The following ADAM2 variants were observed in gnomAD, a reference collection of about 807,000 sequenced individuals.
ADAM2 encodes the protein ADAM metallopeptidase domain 2, also known as disintegrin and metalloproteinase domain-containing protein 2.
ADAM2 carries 101 observed loss-of-function variants against 99.3 expected under a neutral mutation model. The ratio of observed to expected loss-of-function variants is 1.02; its 90% CI spans 0.87 to 1.20. The LOEUF is 1.20. Ranked by LOEUF, ADAM2 falls within the 50% of genes most tolerant of loss-of-function variation. ADAM2 has a pLI of 0.00. For missense variants in ADAM2, 948 were observed against 878.7 expected (o/e 1.08, Z -1.00); for synonymous variants, 323 against 287.6 (o/e 1.12, Z -1.25).
chr8:39,776,677 A>G (rs1803002755), intron 11 of ADAM2, among the ~76,000 whole-genome samples: 3 of 152,128 alleles, frequency 2.0e-5, no homozygotes. Context: ...AACCAAGGCA[A>G]GTTGAAGGAG....
Position 39,761,173 on chromosome 8 carries a change from T to C in ADAM2, c.1613+3A>G, listed in dbSNP as rs373265760. On this transcript the variant is annotated splice_donor_region_variant and intron_variant, in intron 15 of 20. Transcript: ENST00000265708. Reference sequence around the variant, plus strand: ...GTTCTAAGACAGATTTCTGAAAACATACTCAGCTTCACACTGTGTGTATCC... The same window carrying C: ...GTTCTAAGACAGATTTCTGAAAACACACTCAGCTTCACACTGTGTGTATCC... 3.9e-6 allele frequency: 6 copies of C among 1,530,430 alleles called. No individual in the cohort carries two copies. The highest frequency in any genetic ancestry group is 1.4e-5 in the African/African-American group (1 of 71,922). 94.8% of individuals were successfully genotyped at this position (1,530,430 alleles called of 1,614,324 possible).
intron 7 of ADAM2, among the ~76,000 whole-genome samples, chr8:39,808,189 TACACACAC>T (rs144114156): frequency 8.2e-5 from 12 of 146,100 alleles, no homozygotes; most frequent in Non-Finnish European, 1.2e-4. Flanking sequence ...TCCTAAGGAA[TACACACAC>T]ACACACACAC....
chr8:39,798,753 C>A (rs1804080449), intron 7 of ADAM2, among the ~76,000 whole-genome samples: 1 of 152,154 alleles, frequency 6.6e-6, no homozygotes, highest in Non-Finnish European at 1.5e-5. Flanking sequence ...CAACATCTTC[C>A]TGGTTTAGTC....
At chr8:39,757,218 C>T (rs989365568) in intron 15 of ADAM2, among the ~76,000 whole-genome samples, 1 of 151,776 alleles carries the variant, frequency 6.6e-6, no homozygotes, top group South Asian at 2.1e-4. Context: ...GTAAAAAAAC[C>T]CAACTTGCTC....
intron 6 of ADAM2, among the ~76,000 whole-genome samples, chr8:39,813,256 A>C (rs1160873614): frequency 6.6e-6 from 1 of 152,244 alleles, no homozygotes; most frequent in African/African-American, 2.4e-5. Context: ...TGATCATTAA[A>C]AAATCAGGAA....
intron 3 of ADAM2, among the ~76,000 whole-genome samples, chr8:39,832,283 A>AAT (rs1563387527): frequency 1.3e-5 from 2 of 152,150 alleles, no homozygotes; most frequent in Non-Finnish European, 2.9e-5. Flanking sequence ...TTTGAAAGTA[A>AAT]ATATCGTTAT....
chr8:39,810,905 C>G (rs1277904778), intron 6 of ADAM2, among the ~76,000 whole-genome samples: 19 of 151,908 alleles, frequency 1.3e-4, no homozygotes, highest in South Asian at 2.1e-4. Flanking sequence ...ACATTCAAAA[C>G]CTAGCAGAAG....
At position 39,755,710 on chromosome 8, in the gene ADAM2, G is replaced by T. The variant is rs200656365; in HGVS notation, c.1797+18C>A. On this transcript the variant is annotated intron_variant, in intron 16 of 20. Coordinates refer to ENST00000265708, the MANE Select transcript of ADAM2 (RefSeq NM_001464.5). The stretch of plus-strand genomic sequence containing the variant: ...TCTAAAATATTAGGAAATTATTTGG[G>T]AATAAAAGACTACCTACCTTATTTG... 116 of 1,586,380 alleles carry T rather than the reference G, an allele frequency of 7.3e-5. No homozygotes were observed. Among genetic ancestry groups the T allele is most frequent in the Non-Finnish European group, 1.0e-4 (116 of 1,160,480 alleles).
chr8:39,834,076 T>A, intron 2 of ADAM2, 77 bp from the exon 3 acceptor site: 1 of 759,184 alleles, frequency 1.3e-6, no homozygotes, highest in Non-Finnish European at 2.2e-6. Flanking sequence ...TTTACATTAA[T>A]GATAATTGCA....
intron 16 of ADAM2, among the ~76,000 whole-genome samples, chr8:39,753,186 T>C (rs1802014673): frequency 6.6e-6 from 1 of 152,076 alleles, no homozygotes; most frequent in Non-Finnish European, 1.5e-5. Flanking sequence ...AACAATGAAG[T>C]CCAGGCTTAG....
chr8:39,762,729 A>C (rs1802418828), intron 14 of ADAM2, among the ~76,000 whole-genome samples: 1 of 152,220 alleles, frequency 6.6e-6, no homozygotes, highest in Non-Finnish European at 1.5e-5. Context: ...TTTATGCTTA[A>C]AATTTCTATT....
chr8:39,760,132 G>T (rs952719831), intron 15 of ADAM2, among the ~76,000 whole-genome samples: 1 of 152,042 alleles, frequency 6.6e-6, no homozygotes, highest in Non-Finnish European at 1.5e-5. Flanking sequence ...CTCCCAAAGT[G>T]CTGGGATTAC....
intron 14 of ADAM2, among the ~76,000 whole-genome samples, chr8:39,765,121 C>T (rs1046798043): frequency 4.6e-5 from 7 of 152,160 alleles, no homozygotes; most frequent in Non-Finnish European, 7.3e-5. Flanking sequence ...TTTCTAGTCA[C>T]TCCTTACTCT....
At chr8:39,830,526 G>C (rs2129589125) in intron 3 of ADAM2, among the ~76,000 whole-genome samples, 1 of 152,206 alleles carries the variant, frequency 6.6e-6, no homozygotes, top group African/African-American at 2.4e-5. Flanking sequence ...GGGTTAATTG[G>C]AATGATCAAA....
intron 6 of ADAM2, among the ~76,000 whole-genome samples, chr8:39,811,691 A>T (rs1451472771): frequency 1.3e-5 from 2 of 152,182 alleles, no homozygotes; most frequent in Admixed American, 6.5e-5. Flanking sequence ...TGATTATCTC[A>T]ACAGATGCAG....
chr8:39,744,800 A>G, intron 20 of ADAM2, 30 bp downstream of exon 20: 1 of 1,450,284 alleles, frequency 6.9e-7, no homozygotes, highest in Non-Finnish European at 9.5e-7. Context: ...TTAAAGTAAA[A>G]TAAATTTTAA....
At chr8:39,750,415 T>C (rs987202411) in intron 16 of ADAM2, among the ~76,000 whole-genome samples, 26 of 152,138 alleles carry the variant, frequency 1.7e-4, no homozygotes, top group Admixed American at 1.3e-3. Flanking sequence ...AAGATATTAT[T>C]GGCATGATTG....
Position 39,795,826 on chromosome 8 carries a change from A to G in ADAM2, c.571-7086T>C, listed in dbSNP as rs190073512. The stretch of plus-strand genomic sequence containing the variant: ...TTGGCATCTTGTTTTTATATGGTAT[A>G]AAGAAGCTAAAAATATTTGGATTTG... On this transcript the variant is annotated intron_variant, in intron 7 of 20. Coordinates refer to ENST00000265708, the MANE Select transcript of ADAM2 (RefSeq NM_001464.5). Among the ~76,000 whole-genome samples the G allele has an allele frequency of 7.9e-4, 120 of 152,276 alleles. 1 individual carries two copies. Among genetic ancestry groups the G allele is most frequent in the African/African-American group, 2.7e-3 (114 of 41,564 alleles).
intron 7 of ADAM2, among the ~76,000 whole-genome samples, chr8:39,792,999 A>T: frequency 6.6e-6 from 1 of 152,082 alleles, no homozygotes; most frequent in East Asian, 1.9e-4. Flanking sequence ...AGACCTCTTT[A>T]TAAGAAAAAG....
Sources: allele counts gnomAD v4.1 joint callset (sites outside exome capture counted in the v4.1 genomes callset), GRCh38; gene constraint gnomAD v4.1.1; transcripts MANE v1.5; gene names NCBI Gene and HGNC (gene_info 2026-07-23, HGNC 2026-07-21).